GALNT13: variants seen among roughly 807,000 people sequenced by gnomAD.
GALNT13 encodes the protein polypeptide N-acetylgalactosaminyltransferase 13, also known as UDP-GalNAc:polypeptide N-acetylgalactosaminyltransferase 13.
GALNT13 carries 28 observed loss-of-function variants against 64.2 expected under a neutral mutation model. The ratio of observed to expected loss-of-function variants is 0.44; its 90% CI spans 0.32 to 0.60. The LOEUF (loss-of-function observed/expected upper bound fraction) is 0.60, where lower values mean the gene tolerates loss of function less well. GALNT13 is among the 20% of genes least tolerant of loss of function. The probability of loss-of-function intolerance (pLI) is 0.05; values close to 1 mark genes in which losing one functional copy is unlikely to be tolerated. For missense variants in GALNT13, 577 were observed against 669.8 expected, an observed-to-expected ratio of 0.86 and a Z score of 1.53; for synonymous variants, 214 against 224.6, an observed-to-expected ratio of 0.95 and a Z score of 0.42.
intron 12 of GALNT13, among the ~76,000 whole-genome samples, chr2:154,443,880 G>A (rs799824): frequency 0.99 from 150,151 of 152,224 alleles, 74,087 homozygotes; most frequent in Middle Eastern, 1. Context: ...CCAAGGCTTT[G>A]CATTCTAGAG....
At chr2:154,118,010 C>G (rs1681700064) in intron 3 of GALNT13, among the ~76,000 whole-genome samples, 1 of 152,120 alleles carries the variant, frequency 6.6e-6, no homozygotes, top group Non-Finnish European at 1.5e-5. Context: ...TTGGAAGATT[C>G]TATACATGTC....
At chr2:154,231,390 C>T (rs1327574064) in intron 4 of GALNT13, among the ~76,000 whole-genome samples, 2 of 152,134 alleles carry the variant, frequency 1.3e-5, no homozygotes, top group South Asian at 2.1e-4. Context: ...AAAGCACTCA[C>T]CTTAGAAGAA....
chr2:153,701,146 CAT>C, the GALNT13 span, among the ~76,000 whole-genome samples: 2 of 152,098 alleles, frequency 1.3e-5, no homozygotes, highest in Admixed American at 1.3e-4. Context: ...CCCAAACAGA[CAT>C]AAACACCAAT....
the GALNT13 span, among the ~76,000 whole-genome samples, chr2:153,227,683 C>A: frequency 6.6e-5 from 10 of 152,088 alleles, no homozygotes; most frequent in African/African-American, 2.4e-4. Context: ...TTTTAGATGA[C>A]ATACTCATAT....
chr2:153,735,084 G>A, the GALNT13 span, among the ~76,000 whole-genome samples: 1 of 152,002 alleles, frequency 6.6e-6, no homozygotes, highest in Non-Finnish European at 1.5e-5. Flanking sequence ...ACAGCTGCAG[G>A]GCTTCCACTC....
intron 3 of GALNT13, among the ~76,000 whole-genome samples, chr2:154,076,385 CA>C (rs1700989213): frequency 6.6e-6 from 1 of 151,608 alleles, no homozygotes; most frequent in South Asian, 2.1e-4. Flanking sequence ...TATTCTTGCA[CA>C]AAGAGGGTGG....
At chr2:153,714,770 T>C in the GALNT13 span, among the ~76,000 whole-genome samples, 1 of 152,166 alleles carries the variant, frequency 6.6e-6, no homozygotes, top group Non-Finnish European at 1.5e-5. Context: ...TTCCAATTCT[T>C]GTGTGTTATG....
At chr2:154,063,546 T>G (rs1253741884) in intron 3 of GALNT13, among the ~76,000 whole-genome samples, 1 of 152,156 alleles carries the variant, frequency 6.6e-6, no homozygotes, top group Admixed American at 6.6e-5. Context: ...TATGCTTGGA[T>G]TATTTTGCTA....
At chr2:153,500,098 A>G in the GALNT13 span, among the ~76,000 whole-genome samples, 1 of 152,144 alleles carries the variant, frequency 6.6e-6, no homozygotes, top group African/African-American at 2.4e-5. Flanking sequence ...GTGAAGAGGT[A>G]CATCTAACTG....
At chr2:154,033,811 T>C (rs1574380127) in intron 3 of GALNT13, among the ~76,000 whole-genome samples, 1 of 151,904 alleles carries the variant, frequency 6.6e-6, no homozygotes. Context: ...TGGTGGCAGG[T>C]GCCTGTAATC....
At position 154,255,326 on chromosome 2, in the gene GALNT13, A is replaced by G. The variant is rs142226966; in HGVS notation, c.858-3695A>G. 3.0e-3 allele frequency among the ~76,000 whole-genome samples: 456 copies of G among 152,286 alleles called. 4 individuals are homozygous for G. The highest frequency in any genetic ancestry group is 0.011 in the African/African-American group (451 of 41,560). ...GAAGGTTAAAAGTTGCTAAGGGGGT[A>G]TGTAGAAAGCATCCTTTCAAGAAGG... On this transcript the variant is annotated intron_variant, in intron 7 of 12. Coordinates refer to ENST00000392825, the MANE Select transcript of GALNT13 (RefSeq NM_052917.4).
the GALNT13 span, among the ~76,000 whole-genome samples, chr2:153,322,983 G>C: frequency 6.6e-6 from 1 of 152,132 alleles, no homozygotes; most frequent in Non-Finnish European, 1.5e-5. Context: ...CTTTATAGTA[G>C]AATGATTTGT....
chr2:154,249,772 C>G (rs181167001), intron 7 of GALNT13, among the ~76,000 whole-genome samples: 4 of 152,112 alleles, frequency 2.6e-5, no homozygotes, highest in Admixed American at 1.3e-4. Context: ...AGTAATAAAT[C>G]AAACATAAAT....
chr2:153,792,715 T>C, the GALNT13 span, among the ~76,000 whole-genome samples: 157 of 152,298 alleles, frequency 1.0e-3, 2 homozygotes, highest in Non-Finnish European at 4.6e-4. Context: ...GTCATGAAGG[T>C]GATTTTCCTA....
the GALNT13 span, among the ~76,000 whole-genome samples, chr2:153,120,161 G>A: frequency 6.6e-6 from 1 of 152,142 alleles, no homozygotes. Flanking sequence ...TCACCTCAAA[G>A]TTCTGCTCTG....
At chr2:153,858,802 G>A in the GALNT13 span, among the ~76,000 whole-genome samples, 14 of 151,792 alleles carry the variant, frequency 9.2e-5, no homozygotes, top group Admixed American at 6.6e-4. Context: ...GCCTGATCTC[G>A]GCTCACTGCA....
At chr2:153,253,924 A>G in the GALNT13 span, among the ~76,000 whole-genome samples, 1 of 152,158 alleles carries the variant, frequency 6.6e-6, no homozygotes, top group Admixed American at 6.5e-5. Context: ...TTGGTCTAAA[A>G]TTGTCTTTTT....
At chr2:153,815,456 A>T in the GALNT13 span, among the ~76,000 whole-genome samples, 7 of 152,230 alleles carry the variant, frequency 4.6e-5, no homozygotes, top group East Asian at 3.8e-4. Context: ...GAGCCCAATT[A>T]CCAAATTAAG....
At chr2:154,002,688 A>G (rs1299274630) in intron 3 of GALNT13, among the ~76,000 whole-genome samples, 3 of 152,078 alleles carry the variant, frequency 2.0e-5, no homozygotes, top group Admixed American at 6.6e-5. Context: ...TGGTGAAGTC[A>G]TGTTTTCCTG....
Sources: gnomAD v4.1 joint callset for allele counts (sites outside exome capture counted in the v4.1 genomes callset) on GRCh38, gnomAD v4.1.1 for gene constraint, MANE v1.5 for transcripts, NCBI Gene and HGNC (gene_info 2026-07-23, HGNC 2026-07-21) for gene names.